Variants in SYNE2 observed in about 807,000 individuals in gnomAD.
The protein encoded by SYNE2 is nesprin-2.
SYNE2 carries 431 observed loss-of-function variants against 856.3 expected under a neutral mutation model. That is an observed-to-expected ratio of 0.50 (90% CI 0.47 to 0.55). The LOEUF is 0.55. SYNE2 is among the 20% of genes least tolerant of loss of function. SYNE2 has a pLI of 0.00. For missense variants in SYNE2, 8,129 were observed against 8,023.2 expected (o/e 1.01, Z -0.50); for synonymous variants, 2,923 against 2,872.3 (o/e 1.02, Z -0.56).
chr14:63,814,349 G>T (rs1888743023), intron 1 of SYNE2, among the ~76,000 whole-genome samples: 1 of 148,244 alleles, frequency 6.7e-6, no homozygotes, highest in Admixed American at 6.8e-5. Context: ...ATTAGTCAGG[G>T]TTCTCTAGAG....
rs1041092722 is a variant in SYNE2, at chr14:64,159,534, C to G, written c.16094+92C>G. ...GCATAGGCATTGTAAAGTCTTCTTCCTCCTCTGAGATGACTGGTTTCCTAC... is the reference window on the plus strand; with the variant it reads ...GCATAGGCATTGTAAAGTCTTCTTCGTCCTCTGAGATGACTGGTTTCCTAC... On this transcript the variant is annotated intron_variant, in intron 87 of 115. Coordinates refer to ENST00000555002, the MANE Select transcript of SYNE2 (RefSeq NM_182914.3). 25 of 1,444,268 alleles carry G rather than the reference C, an allele frequency of 1.7e-5. No homozygotes were observed. In the South Asian group the frequency reaches 2.7e-4, roughly 16 times the overall value. 89.5% of individuals were successfully genotyped at this position (1,444,268 alleles called of 1,614,324 possible). A position where few individuals can be genotyped will look rare whatever the true frequency, so the allele number is the denominator to read the frequency against.
intron 61 of SYNE2, among the ~76,000 whole-genome samples, chr14:64,097,113 G>C (rs1051588963): frequency 6.6e-6 from 1 of 152,128 alleles, no homozygotes; most frequent in Admixed American, 6.5e-5. Flanking sequence ...AGTCATCTCA[G>C]ACATACAGTG....
At chr14:64,158,894 G>T in intron 86 of SYNE2, 99 bp downstream of exon 86, 1 of 1,308,468 alleles carries the variant, frequency 7.6e-7, no homozygotes, top group East Asian at 2.3e-5. Context: ...CCCTCCCACA[G>T]AGAAGCACAA....
At position 63,813,852 on chromosome 14, in the gene SYNE2, G is replaced by C. The variant is rs529804086; in HGVS notation, c.-304-38649G>C. ...GTGGATCATGAGGTCAGGAGTTTGA[G>C]ACCAGCCTGGCCAATATGGTGAAAC... On this transcript the variant is annotated intron_variant, in intron 1 of 23. Coordinates refer to the SYNE2 transcript ENST00000674003. 3.3e-5 allele frequency among the ~76,000 whole-genome samples: 5 copies of C among 152,290 alleles called. No individual in the cohort carries two copies. The South Asian group carries it at 1.0e-3, about 32-fold the overall frequency.
At chr14:63,823,217 G>C (rs1889293442) in intron 1 of SYNE2, among the ~76,000 whole-genome samples, 1 of 150,166 alleles carries the variant, frequency 6.7e-6, no homozygotes, top group African/African-American at 2.5e-5. Context: ...TCATTTTTGT[G>C]GTCCAGGCTG....
At chr14:64,071,258 G>C (rs1384457373) in intron 52 of SYNE2, among the ~76,000 whole-genome samples, 1 of 152,102 alleles carries the variant, frequency 6.6e-6, no homozygotes, top group Non-Finnish European at 1.5e-5. Context: ...ACTTTGGGAG[G>C]CTGAGGCGGG....
intron 2 of SYNE2, among the ~76,000 whole-genome samples, chr14:63,910,324 A>T (rs12889107): frequency 0.064 from 9,784 of 152,266 alleles, 325 homozygotes; most frequent in Middle Eastern, 0.092. Flanking sequence ...ATCTGTTTTG[A>T]ATGATTTGCT....
intron 88 of SYNE2, chr14:64,162,680 G>T (rs2098338385): frequency 3.3e-6 from 1 of 301,224 alleles, no homozygotes; most frequent in Non-Finnish European, 6.5e-6. Context: ...TTTTCTGTGG[G>T]TATAGTAAAT....
intron 1 of SYNE2, among the ~76,000 whole-genome samples, chr14:63,847,223 T>C (rs1276255139): frequency 6.6e-6 from 1 of 151,696 alleles, no homozygotes; most frequent in African/African-American, 2.4e-5. Context: ...GGTAGGAGGA[T>C]TGCTTGAGCC....
intron 1 of SYNE2, among the ~76,000 whole-genome samples, chr14:63,876,336 C>G (rs559800646): frequency 4.0e-5 from 6 of 151,622 alleles, no homozygotes; most frequent in Admixed American, 2.6e-4. Context: ...GCCAGAAGTT[C>G]AAGGCTGTAG....
intron 65 of SYNE2, among the ~76,000 whole-genome samples, chr14:64,110,680 T>C (rs185633654): frequency 1.4e-5 from 2 of 147,526 alleles, no homozygotes; most frequent in African/African-American, 2.5e-5. Flanking sequence ...AGAGAAGGTA[T>C]TTTACAGGGA....
intron 2 of SYNE2, among the ~76,000 whole-genome samples, chr14:63,926,283 C>T (rs1211984818): frequency 3.4e-5 from 5 of 146,628 alleles, no homozygotes; most frequent in Admixed American, 1.4e-4. Context: ...TCTGTCTCTA[C>T]GAATTTCCCT....
intron 1 of SYNE2, among the ~76,000 whole-genome samples, chr14:63,882,350 T>C (rs762909160): frequency 3.9e-5 from 6 of 152,136 alleles, no homozygotes; most frequent in Non-Finnish European, 7.4e-5. Flanking sequence ...ATATTCCATA[T>C]GTTGTATTTA....
chr14:63,828,516 G>A (rs1566593625), intron 1 of SYNE2, among the ~76,000 whole-genome samples: 1 of 152,088 alleles, frequency 6.6e-6, no homozygotes, highest in Non-Finnish European at 1.5e-5. Flanking sequence ...GCAGGTGCCT[G>A]TAATCCCAGC....
chr14:63,980,824 A>C, intron 15 of SYNE2, 92 bp downstream of exon 15: 1 of 1,127,780 alleles, frequency 8.9e-7, no homozygotes, highest in East Asian at 2.5e-5. Context: ...TTTAGAAATT[A>C]GTTTTATGTG....
chr14:64,177,487 T>C lies in SYNE2; in HGVS notation c.17556+4T>C, dbSNP rs2297301. 0.025 allele frequency: 41,088 copies of C among 1,614,116 alleles called. 974 individuals are homozygous for C. Among genetic ancestry groups the C allele is most frequent in the East Asian group, 0.14 (6,229 of 44,866 alleles). ...TAACGAAAAAGAGCTGATTAAGGTA[T>C]TGAAATCCAAACAAGTGGCCAAGAT... is the stretch of plus-strand genomic sequence containing the variant. On this transcript the variant is annotated splice_donor_region_variant and intron_variant, in intron 96 of 115. Coordinates refer to ENST00000555002, the MANE Select transcript of SYNE2 (RefSeq NM_182914.3).
At chr14:64,031,503 A>G (rs1453141573) in intron 45 of SYNE2, 146 bp downstream of exon 45, 2 of 752,746 alleles carry the variant, frequency 2.7e-6, no homozygotes, top group Non-Finnish European at 4.5e-6. Context: ...ACTTGTAAAA[A>G]GAGCTCTTAG....
chr14:64,128,352 A>C, intron 73 of SYNE2, 100 bp from the exon 74 acceptor site: 1 of 696,198 alleles, frequency 1.4e-6, no homozygotes, highest in South Asian at 1.6e-5. Context: ...TATTTGTTTG[A>C]AATTTCTAGT....
At chr14:63,832,014 CA>C (rs1168136645) in intron 1 of SYNE2, among the ~76,000 whole-genome samples, 2 of 151,784 alleles carry the variant, frequency 1.3e-5, no homozygotes, top group African/African-American at 2.4e-5. Flanking sequence ...TTGTATCCCA[CA>C]AAAAATTATT....
Sources: gnomAD v4.1 joint callset for allele counts (sites outside exome capture counted in the v4.1 genomes callset) on GRCh38, gnomAD v4.1.1 for gene constraint, MANE v1.5 for transcripts, NCBI Gene and HGNC (gene_info 2026-07-23, HGNC 2026-07-21) for gene names.